Variants in LRTM3 observed in about 807,000 individuals in gnomAD.
LRTM3 encodes the protein leucine rich repeat transmembrane protein 3.
chr13:102,749,166 G>A, the LRTM3 span: 1 of 1,550,546 alleles, frequency 6.4e-7, no homozygotes, highest in Non-Finnish European at 8.7e-7. Flanking sequence ...TTTAAAGTGT[G>A]ACATACTGTG....
At chr13:102,735,506 T>A in the LRTM3 span, 1 of 1,551,124 alleles carries the variant, frequency 6.4e-7, no homozygotes, top group Non-Finnish European at 8.7e-7. Flanking sequence ...AACTTGTTTA[T>A]TTTTATCTTC....
the LRTM3 span, chr13:102,734,215 T>C: frequency 6.4e-7 from 1 of 1,551,438 alleles, no homozygotes; most frequent in East Asian, 2.4e-5. Context: ...CATGCCTGTT[T>C]TCTTTCTGTG....
chr13:102,753,270 A>G, the LRTM3 span, among the ~76,000 whole-genome samples: 1 of 152,180 alleles, frequency 6.6e-6, no homozygotes, highest in Admixed American at 6.6e-5. Flanking sequence ...GAGTCTAACA[A>G]TGAGAACACA....
At chr13:102,742,723 C>A in the LRTM3 span, 1 of 1,550,694 alleles carries the variant, frequency 6.4e-7, no homozygotes, top group Non-Finnish European at 8.7e-7. Flanking sequence ...GGGGACTTGA[C>A]CTGTCAGCCA....
the LRTM3 span, chr13:102,731,088 T>C: frequency 5.8e-6 from 9 of 1,551,250 alleles, no homozygotes; most frequent in East Asian, 2.2e-4. Context: ...TTTTGGAGGG[T>C]ATGAGGCAAT....
chr13:102,731,225 A>T, the LRTM3 span: 7 of 1,551,318 alleles, frequency 4.5e-6, no homozygotes, highest in East Asian at 1.7e-4. Context: ...ATTGCTGGCA[A>T]GAGGTGAATC....
At chr13:102,735,445 C>T in the LRTM3 span, 2 of 1,551,226 alleles carry the variant, frequency 1.3e-6, no homozygotes, top group Admixed American at 3.9e-5. Context: ...TTGTATCAAA[C>T]TTAAGATATG....
chr13:102,754,532 C>G, the LRTM3 span, among the ~76,000 whole-genome samples: 5 of 152,200 alleles, frequency 3.3e-5, no homozygotes, highest in Admixed American at 3.3e-4. Context: ...CAAACTGACC[C>G]AACTCTTTCC....
the LRTM3 span, chr13:102,758,727 T>A: frequency 6.5e-7 from 1 of 1,549,868 alleles, no homozygotes; most frequent in South Asian, 1.2e-5. Context: ...ACTACCCTTT[T>A]CAGGAAGTGT....
the LRTM3 span, chr13:102,749,900 CCTAA>C: frequency 1.9e-6 from 3 of 1,551,208 alleles, no homozygotes; most frequent in Admixed American, 3.9e-5. Flanking sequence ...AGTTCTGCTC[CCTAA>C]CTTAGTTTTG....
chr13:102,741,018 C>T, the LRTM3 span: 14 of 1,550,040 alleles, frequency 9.0e-6, no homozygotes, highest in African/African-American at 9.6e-5. Context: ...GCTTTCTCTA[C>T]CATTGGGCTT....
At chr13:102,734,268 C>T in the LRTM3 span, 1 of 1,551,384 alleles carries the variant, frequency 6.4e-7, no homozygotes, top group African/African-American at 1.4e-5. Context: ...CTCCTTGCCT[C>T]TGCATCTGCT....
chr13:102,756,272 A>G, the LRTM3 span, among the ~76,000 whole-genome samples: 2 of 150,038 alleles, frequency 1.3e-5, no homozygotes, highest in Non-Finnish European at 3.0e-5. Context: ...ACTATTCTTC[A>G]TGATATTCCT....
the LRTM3 span, among the ~76,000 whole-genome samples, chr13:102,754,099 G>A: frequency 6.6e-5 from 10 of 151,730 alleles, no homozygotes; most frequent in African/African-American, 1.5e-4. Flanking sequence ...CCAGCTACTC[G>A]GGAGGCTGAG....
At chr13:102,756,026 C>T in the LRTM3 span, among the ~76,000 whole-genome samples, 1 of 148,628 alleles carries the variant, frequency 6.7e-6, no homozygotes, top group Non-Finnish European at 1.5e-5. Flanking sequence ...GTGGTGCAAT[C>T]TCGTCTCACT....
the LRTM3 span, chr13:102,741,712 T>A: frequency 1.3e-6 from 2 of 1,550,286 alleles, no homozygotes; most frequent in African/African-American, 2.7e-5. Flanking sequence ...TTGAGTTTAG[T>A]GGAATATCTA....
At chr13:102,732,396 G>A in the LRTM3 span, 1 of 1,551,286 alleles carries the variant, frequency 6.4e-7, no homozygotes, top group African/African-American at 1.4e-5. Context: ...GGGTGATTCT[G>A]GATTTTCATA....
chr13:102,743,323 A>C, the LRTM3 span: 1 of 1,550,438 alleles, frequency 6.4e-7, no homozygotes, highest in South Asian at 1.2e-5. Flanking sequence ...TTTGGAATCC[A>C]CTTTGCCTTT....
At chr13:102,736,563 C>T in the LRTM3 span, 1 of 1,551,016 alleles carries the variant, frequency 6.4e-7, no homozygotes, top group Non-Finnish European at 8.7e-7. Flanking sequence ...TCACCTTCCT[C>T]TTCTTTTATT....
Sources: allele counts gnomAD v4.1 joint callset (sites outside exome capture counted in the v4.1 genomes callset), GRCh38; gene constraint gnomAD v4.1.1; transcripts MANE v1.5; gene names NCBI Gene and HGNC (gene_info 2026-07-23, HGNC 2026-07-21).